Variants in RAP1GAP2 observed in about 807,000 individuals in gnomAD.
RAP1GAP2 encodes the protein RAP1 GTPase activating protein 2.
Under a neutral mutation model 95.0 loss-of-function variants are expected in RAP1GAP2, and 27 were observed. The observed-to-expected ratio is 0.28, with a 90% CI of 0.21 to 0.39. The LOEUF is 0.39. Ranked by LOEUF, RAP1GAP2 falls within the 10% of genes least tolerant of loss-of-function variation. The probability of loss-of-function intolerance (pLI) is 1.00; values close to 1 mark genes in which losing one functional copy is unlikely to be tolerated. For synonymous variants in RAP1GAP2, 373 were observed against 380.9 expected, an observed-to-expected ratio of 0.98 and a Z score of 0.24; for missense variants, 771 against 970.0, an observed-to-expected ratio of 0.79 and a Z score of 2.72.
intron 3 of RAP1GAP2, among the ~76,000 whole-genome samples, chr17:2,931,371 A>C (rs2043148685): frequency 6.6e-6 from 1 of 150,508 alleles, no homozygotes; most frequent in Admixed American, 6.6e-5. Flanking sequence ...AGTGTTTTGG[A>C]TGTCTGTTTG....
intron 2 of RAP1GAP2, among the ~76,000 whole-genome samples, chr17:2,862,962 A>G (rs1324922708): frequency 6.8e-6 from 1 of 146,104 alleles, no homozygotes; most frequent in African/African-American, 2.5e-5. Flanking sequence ...GCACCACTGA[A>G]CTCCAGCCTG....
At chr17:2,912,015 T>C (rs945539451) in intron 3 of RAP1GAP2, among the ~76,000 whole-genome samples, 5 of 152,126 alleles carry the variant, frequency 3.3e-5, no homozygotes, top group Admixed American at 2.6e-4. Context: ...CCTTCTCCTT[T>C]CCAGAAGAGG....
intron 2 of RAP1GAP2, among the ~76,000 whole-genome samples, chr17:2,826,726 G>A (rs183027698): frequency 2.0e-5 from 3 of 152,094 alleles, no homozygotes; most frequent in Non-Finnish European, 2.9e-5. Flanking sequence ...GAGGATTTCC[G>A]GCCGGGCGCG....
intron 2 of RAP1GAP2, among the ~76,000 whole-genome samples, chr17:2,802,933 A>T (rs762364094): frequency 6.6e-6 from 1 of 152,298 alleles, no homozygotes; most frequent in Non-Finnish European, 1.5e-5. Flanking sequence ...TTTAGTTTCC[A>T]TATCTTTTGT....
At chr17:2,926,180 G>A (rs907498006) in intron 3 of RAP1GAP2, among the ~76,000 whole-genome samples, 4 of 151,778 alleles carry the variant, frequency 2.6e-5, no homozygotes, top group African/African-American at 9.7e-5. Context: ...CTGAGCCCTG[G>A]GGGTAACTGA....
At chr17:3,018,608 G>C (rs1306321883) in intron 18 of RAP1GAP2, among the ~76,000 whole-genome samples, 1 of 152,158 alleles carries the variant, frequency 6.6e-6, no homozygotes, top group African/African-American at 2.4e-5. Flanking sequence ...CCAGCTTACT[G>C]TGTACCAGGC....
At chr17:2,868,102 T>C (rs1424810821) in intron 2 of RAP1GAP2, among the ~76,000 whole-genome samples, 1 of 152,172 alleles carries the variant, frequency 6.6e-6, no homozygotes, top group Non-Finnish European at 1.5e-5. Context: ...TGTGTCCCCT[T>C]CCTGTTTTGC....
intron 19 of RAP1GAP2, among the ~76,000 whole-genome samples, 179 bp downstream of exon 19, chr17:3,020,774 G>A (rs755030147): frequency 1.3e-4 from 20 of 152,326 alleles, no homozygotes; most frequent in Non-Finnish European, 1.9e-4. Context: ...ATCCAAAGAG[G>A]CGGACTTGGC....
chr17:2,796,640 T>A lies in RAP1GAP2; in HGVS notation c.44+69T>A. 1 of 1,528,834 alleles carries A rather than the reference T, an allele frequency of 6.5e-7. No homozygotes were observed. The highest frequency in any genetic ancestry group is 1.2e-5 in the South Asian group (1 of 83,580). 94.7% of individuals were successfully genotyped at this position (1,528,834 alleles called of 1,614,324 possible). On this transcript the variant is annotated intron_variant, in intron 1 of 24. Transcript: ENST00000254695. The surrounding 1 kb of genome is among the most constrained non-coding windows in gnomAD (Gnocchi z 4.7). ...TAGAAGTGAAGTCTTGTTAAGTGCATTGGCGGCCGTGGGAACAGAGGGGCT... is the reference window on the plus strand; with the variant it reads ...TAGAAGTGAAGTCTTGTTAAGTGCAATGGCGGCCGTGGGAACAGAGGGGCT...
chr17:2,998,526 G>T, intron 14 of RAP1GAP2, 150 bp downstream of exon 14: 1 of 1,003,210 alleles, frequency 1.0e-6, no homozygotes. Context: ...TTCTGGGTAG[G>T]GAGGACCTTC....
At chr17:2,990,796 G>T (rs2045724904) in intron 11 of RAP1GAP2, among the ~76,000 whole-genome samples, 1 of 151,344 alleles carries the variant, frequency 6.6e-6, no homozygotes, top group Non-Finnish European at 1.5e-5. Flanking sequence ...GTGGGAAGTG[G>T]TATATCATTG....
intron 3 of RAP1GAP2, among the ~76,000 whole-genome samples, chr17:2,921,526 T>C (rs2044525916): frequency 6.6e-6 from 1 of 152,112 alleles, no homozygotes; most frequent in African/African-American, 2.4e-5. Flanking sequence ...CTCACAACTC[T>C]AGAGGCCAGA....
intron 2 of RAP1GAP2, among the ~76,000 whole-genome samples, chr17:2,898,138 C>T (rs1462765980): frequency 6.6e-6 from 1 of 152,092 alleles, no homozygotes; most frequent in East Asian, 1.9e-4. Flanking sequence ...GTCTTGAACT[C>T]GTGGGCTCAA....
chr17:2,856,569 G>A (rs2072146227), intron 2 of RAP1GAP2, among the ~76,000 whole-genome samples: 2 of 152,204 alleles, frequency 1.3e-5, no homozygotes, highest in African/African-American at 2.4e-5. Flanking sequence ...TAGCAGTCAA[G>A]ACCAGCCATG....
intron 2 of RAP1GAP2, among the ~76,000 whole-genome samples, chr17:2,895,492 A>C (rs1018644875): frequency 2.0e-5 from 3 of 151,998 alleles, no homozygotes; most frequent in Non-Finnish European, 4.4e-5. Flanking sequence ...CCTTCAGTGG[A>C]TTGTGGTATT....
At chr17:2,762,747 C>T (rs562402993) in intron 1 of RAP1GAP2, among the ~76,000 whole-genome samples, 5 of 151,206 alleles carry the variant, frequency 3.3e-5, no homozygotes, top group East Asian at 2.0e-4. Context: ...CACAAAAATT[C>T]GGGCCCTAGC....
chr17:2,847,157 C>T (rs905595483), intron 2 of RAP1GAP2, among the ~76,000 whole-genome samples: 2 of 152,100 alleles, frequency 1.3e-5, no homozygotes, highest in Non-Finnish European at 1.5e-5. Flanking sequence ...TACAGGCGCC[C>T]GCCACGTTGC....
intron 2 of RAP1GAP2, among the ~76,000 whole-genome samples, chr17:2,840,010 CT>C (rs1233316813): frequency 1.3e-5 from 2 of 151,866 alleles, no homozygotes; most frequent in African/African-American, 4.8e-5. Flanking sequence ...GTTGGTCAGG[CT>C]GGTCTCAAAC....
At chr17:2,869,373 A>G (rs2072749239) in intron 2 of RAP1GAP2, among the ~76,000 whole-genome samples, 1 of 152,104 alleles carries the variant, frequency 6.6e-6, no homozygotes, top group Non-Finnish European at 1.5e-5. Context: ...GGAAATGGAC[A>G]ATGGGGTTAG....
Sources: gnomAD v4.1 joint callset for allele counts (sites outside exome capture counted in the v4.1 genomes callset) on GRCh38, gnomAD v4.1.1 for gene constraint, Gnocchi (gnomAD v3.1) non-coding constraint, MANE v1.5 for transcripts, NCBI Gene and HGNC (gene_info 2026-07-23, HGNC 2026-07-21) for gene names.